Variants in TENM2 observed in about 807,000 individuals in gnomAD.
TENM2 encodes teneurin transmembrane protein 2, also known as teneurin-2.
Under a neutral mutation model 245.2 loss-of-function variants are expected in TENM2, and 52 were observed. The ratio of observed to expected loss-of-function variants is 0.21; its 90% CI spans 0.17 to 0.27. The LOEUF (loss-of-function observed/expected upper bound fraction) is 0.27. TENM2 is among the 10% of genes least tolerant of loss of function. The pLI is 1.00. For synonymous variants in TENM2, 1,363 were observed against 1,438.9 expected (o/e 0.95, Z 1.19); for missense variants, 3,046 against 3,666.8 (o/e 0.83, Z 4.37).
At chr5:167,595,884 G>A (rs140262954) in intron 2 of TENM2, among the ~76,000 whole-genome samples, 4 of 152,084 alleles carry the variant, frequency 2.6e-5, no homozygotes, top group African/African-American at 9.7e-5. Context: ...ATAAAATAAA[G>A]GAAGAAAAAC....
downstream of TENM2, chr5:168,263,301 G>A (rs1376310224): frequency 6.4e-6 from 1 of 155,282 alleles, no homozygotes; most frequent in Non-Finnish European, 1.4e-5. Flanking sequence ...CATCCGCGAG[G>A]GCCAGCGTCA....
the TENM2 span, among the ~76,000 whole-genome samples, chr5:167,119,237 A>C: frequency 1.3e-5 from 2 of 152,240 alleles, no homozygotes; most frequent in Non-Finnish European, 2.9e-5. Flanking sequence ...TTTTATGATA[A>C]AAATCACACA....
intron 1 of TENM2, among the ~76,000 whole-genome samples, chr5:167,363,169 G>A (rs750022326): frequency 6.6e-6 from 1 of 152,180 alleles, no homozygotes; most frequent in Non-Finnish European, 1.5e-5. Flanking sequence ...GCATTGAATT[G>A]TTAGCCCACA....
chr5:167,525,722 T>G (rs1281589514), intron 2 of TENM2, among the ~76,000 whole-genome samples: 3 of 152,130 alleles, frequency 2.0e-5, no homozygotes, highest in Non-Finnish European at 4.4e-5. Context: ...CATTTTATAT[T>G]CTCAGATCAG....
intron 5 of TENM2, among the ~76,000 whole-genome samples, chr5:168,043,172 C>G (rs781144362): frequency 4.6e-5 from 7 of 151,944 alleles, no homozygotes; most frequent in Non-Finnish European, 7.4e-5. Flanking sequence ...TTGAGGAGAC[C>G]AGCATTTATT....
chr5:167,431,565 C>CCTTTCT (rs951648781), intron 2 of TENM2, among the ~76,000 whole-genome samples: 2 of 152,046 alleles, frequency 1.3e-5, no homozygotes, highest in Non-Finnish European at 2.9e-5. Context: ...TTATATCTCT[C>CCTTTCT]CTTTCTCTTT....
intron 2 of TENM2, among the ~76,000 whole-genome samples, chr5:167,867,925 A>G (rs1194774154): frequency 6.6e-6 from 1 of 152,204 alleles, no homozygotes. Flanking sequence ...CCCCAATGGT[A>G]GGTTAAGTTT....
At chr5:167,554,064 A>G (rs1006653057) in intron 2 of TENM2, among the ~76,000 whole-genome samples, 1 of 152,186 alleles carries the variant, frequency 6.6e-6, no homozygotes, top group African/African-American at 2.4e-5. Context: ...GGATCATTCT[A>G]TAGGCTTTCC....
chr5:167,792,187 C>A (rs1310524052), intron 2 of TENM2, among the ~76,000 whole-genome samples: 1 of 152,064 alleles, frequency 6.6e-6, no homozygotes, highest in Non-Finnish European at 1.5e-5. Context: ...GCAAACCATG[C>A]CTTAAGTAAA....
chr5:167,831,667 C>T (rs1421989), intron 2 of TENM2, among the ~76,000 whole-genome samples: 109,993 of 151,856 alleles, frequency 0.72, 41,054 homozygotes, highest in Non-Finnish European at 0.82. Flanking sequence ...AAGAACCTTG[C>T]GGACAGAAAG....
chr5:167,376,261 AGAT>A (rs1373565817), intron 2 of TENM2, among the ~76,000 whole-genome samples: 1 of 152,214 alleles, frequency 6.6e-6, no homozygotes, highest in Non-Finnish European at 1.5e-5. Context: ...TTTTTTAAAA[AGAT>A]AAATTGCATT....
intron 2 of TENM2, among the ~76,000 whole-genome samples, chr5:167,581,427 A>G (rs890050776): frequency 1.3e-5 from 2 of 152,206 alleles, no homozygotes; most frequent in African/African-American, 2.4e-5. Context: ...ATAATGAACA[A>G]TAGTTTTCAA....
At chr5:167,233,432 G>A in the TENM2 span, among the ~76,000 whole-genome samples, 1 of 152,020 alleles carries the variant, frequency 6.6e-6, no homozygotes, top group Non-Finnish European at 1.5e-5. Flanking sequence ...TTTTGGGGAA[G>A]GGCAAAAAGC....
intron 2 of TENM2, among the ~76,000 whole-genome samples, chr5:167,651,742 C>T (rs1369445556): frequency 6.6e-6 from 1 of 152,110 alleles, no homozygotes; most frequent in African/African-American, 2.4e-5. Context: ...CTTTTGTGAC[C>T]TTGGACAAAT....
the TENM2 span, among the ~76,000 whole-genome samples, chr5:167,163,919 G>A: frequency 4.6e-5 from 7 of 152,208 alleles, no homozygotes; most frequent in Admixed American, 4.6e-4. Context: ...AATCCTCTGT[G>A]AACTGCATGC....
chr5:168,062,356 T>A, intron 7 of TENM2, 91 bp downstream of exon 9: 1 of 982,956 alleles, frequency 1.0e-6, no homozygotes, highest in Non-Finnish European at 1.5e-6. Flanking sequence ...TCCACTACAA[T>A]GCCTATAATT....
At chr5:167,304,658 G>T (rs1254166051) in intron 1 of TENM2, among the ~76,000 whole-genome samples, 2 of 151,028 alleles carry the variant, frequency 1.3e-5, no homozygotes, top group Admixed American at 6.6e-5. Flanking sequence ...TTGTTTGTTT[G>T]TTTTTTTTAA....
intron 2 of TENM2, among the ~76,000 whole-genome samples, chr5:167,486,316 TTTTTC>T (rs1768068165): frequency 6.6e-6 from 1 of 151,546 alleles, no homozygotes; most frequent in South Asian, 2.1e-4. Context: ...TTGCCATTTC[TTTTTC>T]TTTTCTTTTT....
At chr5:167,731,263 G>T (rs959412588) in intron 2 of TENM2, among the ~76,000 whole-genome samples, 2 of 145,358 alleles carry the variant, frequency 1.4e-5, no homozygotes. Flanking sequence ...ATAGCGTTTT[G>T]AGCGAGATGG....
Sources: allele counts gnomAD v4.1 joint callset (sites outside exome capture counted in the v4.1 genomes callset), GRCh38; gene constraint gnomAD v4.1.1; transcripts MANE v1.5; gene names NCBI Gene and HGNC (gene_info 2026-07-23, HGNC 2026-07-21).